POU2AF1: variants seen among roughly 807,000 people sequenced by gnomAD.
POU2AF1 encodes the protein POU domain class 2-associating factor 1.
POU2AF1 carries 12 observed loss-of-function variants against 26.3 expected under a neutral mutation model. That is an observed-to-expected ratio of 0.46 (90% CI 0.29 to 0.74). The LOEUF is 0.74. Ranked by LOEUF, POU2AF1 falls within the 30% of genes least tolerant of loss-of-function variation. The pLI, the probability that POU2AF1 is intolerant of heterozygous loss-of-function variation, is 0.09. For synonymous variants in POU2AF1, 175 were observed against 148.0 expected, an observed-to-expected ratio of 1.18 and a Z score of -1.32; for missense variants, 297 against 334.5, an observed-to-expected ratio of 0.89 and a Z score of 0.87.
At chr11:111,358,966 C>A in intron 1 of POU2AF1, 48 bp from the exon 2 acceptor site, 1 of 1,559,870 alleles carries the variant, frequency 6.4e-7, no homozygotes. Context: ...TCAGACGAGC[C>A]CCCACCCCAA....
At chr11:111,356,044 A>G (rs141953939) in intron 4 of POU2AF1, among the ~76,000 whole-genome samples, 4 of 152,364 alleles carry the variant, frequency 2.6e-5, no homozygotes, top group Non-Finnish European at 4.4e-5. Flanking sequence ...AGGAGTGTGG[A>G]CTTACAGCTC....
intron 1 of POU2AF1, among the ~76,000 whole-genome samples, chr11:111,375,606 A>G (rs1171625528): frequency 6.6e-6 from 1 of 151,818 alleles, no homozygotes. Context: ...TCACCATGTT[A>G]GCCAGGATGG....
intron 1 of POU2AF1, among the ~76,000 whole-genome samples, chr11:111,376,367 G>A (rs1297700923): frequency 6.6e-6 from 1 of 152,176 alleles, no homozygotes; most frequent in Non-Finnish European, 1.5e-5. Flanking sequence ...GGGGAGGGAT[G>A]GTAATTCTTC....
chr11:111,353,694 G>A lies in POU2AF1; in HGVS notation c.*567C>T, dbSNP rs888674840. The A allele has an allele frequency of 1.3e-5, 3 of 236,180 alleles. No individual in the cohort carries two copies. The highest frequency in any genetic ancestry group is 2.5e-5 in the Non-Finnish European group (3 of 120,504). 14.6% of individuals were successfully genotyped at this position (236,180 alleles called of 1,614,324 possible). A position where few individuals can be genotyped will look rare whatever the true frequency, so the allele number is the denominator to read the frequency against. ...ACCACATACATCTTAAAATTACAGA[G>A]GGTGTGAGTGACCCTAAGATGGTTC... On this transcript the variant is annotated 3_prime_UTR_variant, in exon 5 of 5. Coordinates refer to ENST00000393067, the MANE Select transcript of POU2AF1 (RefSeq NM_006235.3).
At chr11:111,375,695 G>A (rs994311327) in intron 1 of POU2AF1, among the ~76,000 whole-genome samples, 4 of 152,186 alleles carry the variant, frequency 2.6e-5, no homozygotes, top group South Asian at 2.1e-4. Context: ...CACCGCACCC[G>A]GCCTGATACT....
chr11:111,379,161 C>T lies in POU2AF1; in HGVS notation c.16+1G>A, dbSNP rs747212073. The T allele has an allele frequency of 1.9e-6, 3 of 1,614,120 alleles. No homozygotes were observed. Among genetic ancestry groups the T allele is most frequent in the Non-Finnish European group, 2.5e-6 (3 of 1,180,000 alleles). On this transcript the variant is annotated splice_donor_variant, in intron 1 of 4. Coordinates refer to ENST00000393067, the MANE Select transcript of POU2AF1 (RefSeq NM_006235.3). LOFTEE classifies it high-confidence loss of function. ...CTGACAGCCACAGCCAAACCACTTA[C>T]GTTTTTGCCAGAGCATGGCCTGTGA...
In POU2AF1 at chr11:111,354,298, T is replaced by C; in HGVS notation, c.734A>G (p.Tyr245Cys). 2 of 1,614,196 alleles carry C rather than the reference T, an allele frequency of 1.2e-6. No homozygotes were observed. Among genetic ancestry groups the C allele is most frequent in the Non-Finnish European group, 1.7e-6 (2 of 1,180,020 alleles). ...LLLEEEDSDA[Y>C]ALNHTLSVEG... ...CACAGAGAGAGTGTGGTTAAGCGCA[T>C]AGGCGTCGCTATCCTCTTCCTCCAA... The change falls in exon 5 of 5, where the codon TAT becomes TGT. Residue 245 changes from tyrosine (Y) to cysteine (C), a missense_variant. By Grantham distance (194) the Tyr-to-Cys change is radical (BLOSUM62 -2). Transcript: ENST00000393067.
In POU2AF1 at chr11:111,362,031, T is replaced by C. The variant is rs540720013; in HGVS notation, c.17-3113A>G. On this transcript the variant is annotated intron_variant, in intron 1 of 4. Coordinates refer to ENST00000393067, the MANE Select transcript of POU2AF1 (RefSeq NM_006235.3). ...CTTGCACAAGTTCCATTTGCCACTT[T>C]CCCTACTGCTGGGTGGTGCCCAGCG... 9.6e-4 allele frequency among the ~76,000 whole-genome samples: 146 copies of C among 152,278 alleles called. 1 individual carries two copies. In the South Asian group the frequency reaches 0.03, roughly 31 times the overall value.
In POU2AF1 at chr11:111,358,917, G is replaced by A. The variant is rs746062404; in HGVS notation, c.18C>T (p.Pro6=). Residue 6 remains proline (P), a splice_region_variant and synonymous_variant, in exon 2 of 5, where the codon CCC becomes CCT. Transcript: ENST00000393067. MLWQK[P]TAPEQAPAPA... Reference sequence around the variant, plus strand: ...GGGCTGGGGCTTGCTCCGGAGCTGTGGCTGTGAAAAGCAATGTCCCTGGAG... The same window carrying A: ...GGGCTGGGGCTTGCTCCGGAGCTGTAGCTGTGAAAAGCAATGTCCCTGGAG... The A allele has an allele frequency of 1.2e-6, 2 of 1,601,492 alleles. No individual in the cohort carries two copies. The highest frequency in any genetic ancestry group is 1.7e-6 in the Non-Finnish European group (2 of 1,178,102).
intron 1 of POU2AF1, 108 bp downstream of exon 1, chr11:111,379,054 C>A (rs1456687887): frequency 7.2e-7 from 1 of 1,384,276 alleles, no homozygotes; most frequent in South Asian, 1.2e-5. Flanking sequence ...CCCCTCCCCC[C>A]GTGGCCCCAT....
chr11:111,379,198 CT>C lies in POU2AF1; in HGVS notation c.-22del. On this transcript the variant is annotated 5_prime_UTR_variant, in exon 1 of 5. Coordinates refer to ENST00000393067, the MANE Select transcript of POU2AF1 (RefSeq NM_006235.3). The stretch of plus-strand genomic sequence containing the variant: ...AGCATGGCCTGTGACAGGATGTTGC[CT>C]TTTCTCTTTGAAGCCGACAGTTTGG... 6.2e-7 allele frequency: 1 copy of C among 1,614,140 alleles called. No homozygotes were observed. Among genetic ancestry groups the C allele is most frequent in the Non-Finnish European group, 8.5e-7 (1 of 1,179,980 alleles).
intron 1 of POU2AF1, among the ~76,000 whole-genome samples, chr11:111,362,408 C>T (rs1004368810): frequency 1.3e-5 from 2 of 152,144 alleles, no homozygotes; most frequent in Admixed American, 1.3e-4. Flanking sequence ...GGATCATATT[C>T]ATTCTATCTA....
intron 1 of POU2AF1, among the ~76,000 whole-genome samples, chr11:111,367,263 G>A (rs1861122928): frequency 3.3e-5 from 5 of 152,172 alleles, no homozygotes; most frequent in Admixed American, 6.5e-5. Flanking sequence ...AGGGACTCAG[G>A]TCTGTTGAAT....
chr11:111,375,573 G>A lies in POU2AF1; in HGVS notation c.16+3589C>T, dbSNP rs185800397. On this transcript the variant is annotated intron_variant, in intron 1 of 4. Transcript: ENST00000393067. ...CACCACAACCCCAGCTAATTTTTTT[G>A]TATTTTTAGTAGAGACGGGGTTTCA... Among the ~76,000 whole-genome samples the A allele has an allele frequency of 6.3e-3, 950 of 151,706 alleles. 6 individuals are homozygous for A. The highest frequency in any genetic ancestry group is 0.021 in the African/African-American group (871 of 41,386).
At chr11:111,375,022 C>G (rs1861281423) in intron 1 of POU2AF1, among the ~76,000 whole-genome samples, 1 of 152,176 alleles carries the variant, frequency 6.6e-6, no homozygotes. Flanking sequence ...TAAATCTCTG[C>G]TCTGTTCAAG....
At chr11:111,361,144 G>T (rs957362926) in intron 1 of POU2AF1, among the ~76,000 whole-genome samples, 7 of 152,112 alleles carry the variant, frequency 4.6e-5, no homozygotes, top group African/African-American at 1.7e-4. Context: ...CTAGTGCCTA[G>T]GAGTACAGCA....
At chr11:111,361,533 T>G (rs1305087598) in intron 1 of POU2AF1, among the ~76,000 whole-genome samples, 1 of 152,230 alleles carries the variant, frequency 6.6e-6, no homozygotes, top group Non-Finnish European at 1.5e-5. Flanking sequence ...CATGGGGAGC[T>G]CCAAAGGCCA....
At chr11:111,358,511 ATC>A (rs1860924732) in intron 2 of POU2AF1, among the ~76,000 whole-genome samples, 1 of 54,796 alleles carries the variant, frequency 1.8e-5, no homozygotes, top group Non-Finnish European at 4.7e-5. Context: ...CTCTCACACT[ATC>A]ACACACTCAC....
intron 1 of POU2AF1, among the ~76,000 whole-genome samples, chr11:111,369,216 C>A (rs1861162969): frequency 6.6e-6 from 1 of 152,178 alleles, no homozygotes; most frequent in Non-Finnish European, 1.5e-5. Flanking sequence ...GACGCCAAAC[C>A]CTGGAAATGG....
Sources: gnomAD v4.1 joint callset for allele counts (sites outside exome capture counted in the v4.1 genomes callset) on GRCh38, gnomAD v4.1.1 for gene constraint, MANE v1.5 for transcripts, NCBI Gene and HGNC (gene_info 2026-07-23, HGNC 2026-07-21) for gene names.